ASB4: variants seen among roughly 807,000 people sequenced by gnomAD.
ASB4 encodes ankyrin repeat and SOCS box containing 4, also known as ankyrin repeat and SOCS box protein 4.
Under a neutral mutation model 38.6 loss-of-function variants are expected in ASB4, and 35 were observed. That is an observed-to-expected ratio of 0.91 (90% confidence interval 0.69 to 1.20). ASB4 has a LOEUF of 1.20. Among genes scored for constraint, ASB4 ranks in the 50% most tolerant of loss-of-function variants. The pLI is 0.00. For missense variants in ASB4, 557 were observed against 527.2 expected, an observed-to-expected ratio of 1.06 and a Z score of -0.55; for synonymous variants, 195 against 201.3, an observed-to-expected ratio of 0.97 and a Z score of 0.26.
chr7:95,502,341 G>A (rs974321616), intron 2 of ASB4, among the ~76,000 whole-genome samples: 9 of 148,958 alleles, frequency 6.0e-5, no homozygotes, highest in Admixed American at 2.0e-4. Context: ...CAAACACATA[G>A]GGAAGTGCTC....
At chr7:95,493,368 GTGTGTGTGTGTGTGTGTGTGTGTA>G (rs1790200518) in intron 1 of ASB4, among the ~76,000 whole-genome samples, 1 of 76,306 alleles carries the variant, frequency 1.3e-5, no homozygotes, top group East Asian at 2.6e-3. Context: ...GAAAGTGTGT[GTGTGTGTGTGTGTGTGTGTGTGTA>G]TGTGTGTGTG....
chr7:95,472,693 C>T, the ASB4 span, among the ~76,000 whole-genome samples: 1 of 152,144 alleles, frequency 6.6e-6, no homozygotes, highest in Non-Finnish European at 1.5e-5. Flanking sequence ...GCTCTGAATT[C>T]CACAGCAGGG....
At chr7:95,486,215 C>T in intron 1 of ASB4, 57 bp downstream of exon 1, 1 of 1,403,154 alleles carries the variant, frequency 7.1e-7, no homozygotes, top group South Asian at 1.3e-5. Flanking sequence ...AAAAAATGCA[C>T]AGTGTCAGTT....
chr7:95,508,912 G>A (rs1424133988), intron 2 of ASB4, among the ~76,000 whole-genome samples: 1 of 152,178 alleles, frequency 6.6e-6, no homozygotes, highest in Non-Finnish European at 1.5e-5. Context: ...ATTGTGGGCA[G>A]AGAATTGGAT....
chr7:95,537,463 C>A, intron 4 of ASB4, 108 bp from the exon 5 acceptor site: 1 of 953,062 alleles, frequency 1.0e-6, no homozygotes, highest in Non-Finnish European at 1.5e-6. Context: ...CAATAGAGAC[C>A]CTAGGAAGCT....
At position 95,486,136 on chromosome 7, in the gene ASB4, G is replaced by A. The variant is rs1393767708; in HGVS notation, c.165G>A (p.Met55Ile). 1.2e-6 allele frequency: 2 copies of A among 1,613,632 alleles called. No homozygotes were observed. The highest frequency in any genetic ancestry group is 1.7e-6 in the Non-Finnish European group (2 of 1,179,744). The change falls in exon 1 of 5, where the codon ATG becomes ATA. Residue 55 changes from methionine (M) to isoleucine (I), a missense_variant. Physicochemically the swap from Met to Ile is conservative, Grantham distance 10. Transcript: ENST00000325885. ...TTTTTGAAGTCGAAGATGAGAATATGGTTTTGGCATCTTATAAACAAGGTA... is the reference window on the plus strand; with the variant it reads ...TTTTTGAAGTCGAAGATGAGAATATAGTTTTGGCATCTTATAAACAAGGTA... The part of the protein sequence containing the change: ...DTVFEVEDEN[M>I]VLASYKQGYW...
At chr7:95,488,443 G>A (rs532422654) in intron 1 of ASB4, among the ~76,000 whole-genome samples, 1 of 152,294 alleles carries the variant, frequency 6.6e-6, no homozygotes, top group African/African-American at 2.4e-5. Context: ...GAATGGAAAT[G>A]ACAAATAGAA....
chr7:95,534,089 A>C (rs1445645494), intron 3 of ASB4, among the ~76,000 whole-genome samples: 1 of 152,212 alleles, frequency 6.6e-6, no homozygotes, highest in African/African-American at 2.4e-5. Flanking sequence ...TTACACCTGT[A>C]ATCCCAGCAC....
chr7:95,494,824 G>A (rs1790221854), intron 1 of ASB4, among the ~76,000 whole-genome samples: 1 of 152,202 alleles, frequency 6.6e-6, no homozygotes, highest in Non-Finnish European at 1.5e-5. Flanking sequence ...GGAGAAAAGA[G>A]AGAGAGAGAG....
At position 95,528,156 on chromosome 7, in the gene ASB4, A is replaced by G. The variant is rs1280738248; in HGVS notation, c.831A>G (p.Glu277=). Residue 277 remains glutamate, a synonymous_variant, in exon 3 of 5, where the codon GAA becomes GAG. Transcript: ENST00000325885. The part of the protein sequence containing the change: ...LMHMMLEAGA[E]ANLMDINGCA... ...ACATGATGCTGGAAGCTGGCGCCGA[A>G]GCCAATCTCATGGATATCAACGGCT... 1.2e-6 allele frequency: 2 copies of G among 1,614,106 alleles called. No homozygotes were observed. The highest frequency in any genetic ancestry group is 2.7e-5 in the African/African-American group (2 of 74,936).
At chr7:95,542,670 A>G (rs977763098), downstream of ASB4, 1 of 152,200 alleles carries the variant, frequency 6.6e-6, no homozygotes, top group Non-Finnish European at 1.5e-5. Context: ...ACCTCAAATG[A>G]TCCACCCACC....
chr7:95,522,336 C>T (rs913540158), intron 2 of ASB4, among the ~76,000 whole-genome samples: 2 of 152,038 alleles, frequency 1.3e-5, no homozygotes, highest in Non-Finnish European at 2.9e-5. Flanking sequence ...GTTTGAATTA[C>T]AATATAAAAC....
chr7:95,475,051 G>A (rs576102750), upstream of ASB4, among the ~76,000 whole-genome samples: 4 of 152,134 alleles, frequency 2.6e-5, no homozygotes, highest in African/African-American at 9.7e-5. Flanking sequence ...TAGACAAGCT[G>A]TTTTTTATGT....
At chr7:95,483,203 AC>A (rs1383127053), upstream of ASB4, among the ~76,000 whole-genome samples, 3 of 152,026 alleles carry the variant, frequency 2.0e-5, no homozygotes, top group Admixed American at 6.6e-5. Flanking sequence ...CCATCTGAGG[AC>A]CCCCTTTTCT....
At chr7:95,512,519 A>C (rs181822807) in intron 2 of ASB4, among the ~76,000 whole-genome samples, 16 of 152,380 alleles carry the variant, frequency 1.1e-4, no homozygotes, top group Admixed American at 2.6e-4. Flanking sequence ...CCTTGGAAAA[A>C]TAAGTCCTGG....
At chr7:95,486,935 T>C (rs1318981591) in intron 1 of ASB4, among the ~76,000 whole-genome samples, 1 of 152,144 alleles carries the variant, frequency 6.6e-6, no homozygotes, top group Non-Finnish European at 1.5e-5. Flanking sequence ...ACTGGTTAAT[T>C]GGGGGAACGT....
At chr7:95,479,146 G>A (rs1790003157) in intron 1 of ASB4, among the ~76,000 whole-genome samples, 1 of 152,152 alleles carries the variant, frequency 6.6e-6, no homozygotes, top group Admixed American at 6.5e-5. Flanking sequence ...TTTACTTACA[G>A]GAAAAGAAGT....
At chr7:95,485,582 G>A (rs756893922), upstream of ASB4, among the ~76,000 whole-genome samples, 3 of 152,144 alleles carry the variant, frequency 2.0e-5, no homozygotes, top group Admixed American at 6.5e-5. Flanking sequence ...AGAGCAAGAC[G>A]CTGGATCTCC....
In ASB4 at chr7:95,537,606, G is replaced by C; in HGVS notation, c.1128G>C (p.Val376=). The change falls in exon 5 of 5, where the codon GTG becomes GTC. Residue 376 remains valine, a synonymous_variant. Coordinates refer to ENST00000325885, the MANE Select transcript of ASB4 (RefSeq NM_016116.3). ...ATTTTTACCACTCTCTCTTTACTGT[G>C]TGCTGTAACTCTCCAAGGACTCTCA... ...YWDFYHSLFT[V]CCNSPRTLMH... is the part of the protein sequence containing the mutation. 1 of 1,612,026 alleles carries C rather than the reference G, an allele frequency of 6.2e-7. No homozygotes were observed. Among genetic ancestry groups the C allele is most frequent in the South Asian group, 1.1e-5 (1 of 90,680 alleles).
Sources: gnomAD v4.1 joint callset for allele counts (sites outside exome capture counted in the v4.1 genomes callset) on GRCh38, gnomAD v4.1.1 for gene constraint, MANE v1.5 for transcripts, NCBI Gene and HGNC (gene_info 2026-07-23, HGNC 2026-07-21) for gene names.